The following FHIT variants were observed in gnomAD, a reference collection of about 807,000 sequenced individuals.
FHIT encodes the protein bis(5'-adenosyl)-triphosphatase.
A neutral mutation model predicts 17.9 loss-of-function variants in FHIT; 19 were observed. The observed-to-expected ratio is 1.06, with a 90% CI of 0.74 to 1.56. The LOEUF is 1.56. FHIT is among the 40% of genes most tolerant of loss of function. The probability of loss-of-function intolerance (pLI) is 0.00; values close to 1 mark genes in which losing one functional copy is unlikely to be tolerated. For missense variants in FHIT, 248 were observed against 189.2 expected, an observed-to-expected ratio of 1.31 and a Z score of -1.82; for synonymous variants, 81 against 69.7, an observed-to-expected ratio of 1.16 and a Z score of -0.81.
intron 5 of FHIT, among the ~76,000 whole-genome samples, chr3:60,312,990 T>C (rs1709012509): frequency 6.6e-6 from 1 of 152,166 alleles, no homozygotes; most frequent in African/African-American, 2.4e-5. Flanking sequence ...ACCCAGTTGA[T>C]TCAGGTTGAT....
intron 7 of FHIT, among the ~76,000 whole-genome samples, chr3:59,966,711 A>G (rs1575782134): frequency 1.3e-5 from 2 of 152,308 alleles, no homozygotes; most frequent in East Asian, 3.9e-4. Flanking sequence ...TAGGGCACTT[A>G]CCATGAATGG....
intron 3 of FHIT, among the ~76,000 whole-genome samples, chr3:60,874,287 C>G (rs183981364): frequency 6.6e-6 from 1 of 152,152 alleles, no homozygotes; most frequent in African/African-American, 2.4e-5. Context: ...TCGGCAATCA[C>G]GCCAACACTC....
chr3:61,124,827 A>AT (rs1000804506), intron 2 of FHIT, among the ~76,000 whole-genome samples: 1 of 152,140 alleles, frequency 6.6e-6, no homozygotes, highest in Non-Finnish European at 1.5e-5. Context: ...AGTAAATGTG[A>AT]TTTTTTAAAC....
chr3:60,784,489 C>G (rs1365989132), intron 4 of FHIT, among the ~76,000 whole-genome samples: 1 of 152,130 alleles, frequency 6.6e-6, no homozygotes, highest in Non-Finnish European at 1.5e-5. Context: ...GCGTGCCCCA[C>G]CACACTCAGC....
At chr3:60,530,741 AG>A (rs761865545) in intron 5 of FHIT, among the ~76,000 whole-genome samples, 9 of 152,220 alleles carry the variant, frequency 5.9e-5, no homozygotes, top group Non-Finnish European at 1.2e-4. Context: ...TGATGGTCAC[AG>A]CAAGTTTGTC....
At chr3:60,641,065 A>G (rs1480779137) in intron 4 of FHIT, among the ~76,000 whole-genome samples, 2 of 152,252 alleles carry the variant, frequency 1.3e-5, no homozygotes, top group African/African-American at 4.8e-5. Flanking sequence ...CTGTAATCCC[A>G]GCTACTTGGG....
At chr3:60,543,803 G>C (rs995242902) in intron 4 of FHIT, among the ~76,000 whole-genome samples, 2 of 151,264 alleles carry the variant, frequency 1.3e-5, no homozygotes, top group Non-Finnish European at 2.9e-5. Flanking sequence ...GGAGTGCAGC[G>C]GCGCAATCTC....
chr3:61,173,236 T>G (rs1312542824), intron 2 of FHIT, among the ~76,000 whole-genome samples: 1 of 152,172 alleles, frequency 6.6e-6, no homozygotes, highest in Non-Finnish European at 1.5e-5. Flanking sequence ...CATGAACATT[T>G]CTCTTTTTGT....
intron 3 of FHIT, among the ~76,000 whole-genome samples, chr3:60,991,795 G>GTTA (rs1490607159): frequency 1.3e-5 from 2 of 151,808 alleles, no homozygotes; most frequent in African/African-American, 2.4e-5. Flanking sequence ...AATAGCTGTT[G>GTTA]TTGTTATTAT....
At chr3:60,623,981 A>G (rs2039208358) in intron 4 of FHIT, among the ~76,000 whole-genome samples, 1 of 152,228 alleles carries the variant, frequency 6.6e-6, no homozygotes, top group Admixed American at 6.5e-5. Context: ...TCTACAATAC[A>G]TGAACAGATA....
At position 60,418,373 on chromosome 3, in the gene FHIT, TG is replaced by T. The variant is rs1702332063; in HGVS notation, c.103+118486del. ...AAACCTATATATATGTATCTGAATG[TG>T]TGTATATATATATATATATATATAT... On this transcript the variant is annotated intron_variant, in intron 5 of 9. Transcript: ENST00000492590. Among the ~76,000 whole-genome samples, 9 of 4,608 alleles carry T rather than the reference TG, an allele frequency of 2.0e-3. No homozygotes were observed. The South Asian group carries it at 0.28, about 144-fold the overall frequency. The allele number at this position is 4,608 out of a possible 152,430, so 3.0% of individuals were successfully genotyped here. A position where few individuals can be genotyped will look rare whatever the true frequency, so the allele number is the denominator to read the frequency against.
At chr3:60,608,270 G>A (rs1438202240) in intron 4 of FHIT, among the ~76,000 whole-genome samples, 1 of 152,142 alleles carries the variant, frequency 6.6e-6, no homozygotes, top group Non-Finnish European at 1.5e-5. Context: ...GAGTAGGCCT[G>A]AGCCAATTAT....
chr3:60,522,891 A>C lies in FHIT; in HGVS notation c.103+13969T>G, dbSNP rs550105747. On this transcript the variant is annotated intron_variant, in intron 5 of 9. Coordinates refer to ENST00000492590, the MANE Select transcript of FHIT (RefSeq NM_002012.4). Reference sequence around the variant, plus strand: ...TGTTGGTTTTCAGGCTGCTAAAGACACACCCAAGACTGGGTAATTTATAAA... The same window carrying C: ...TGTTGGTTTTCAGGCTGCTAAAGACCCACCCAAGACTGGGTAATTTATAAA... Among the ~76,000 whole-genome samples, 13 of 152,290 alleles carry C rather than the reference A, an allele frequency of 8.5e-5. No homozygotes were observed. In the Middle Eastern group the frequency reaches 0.014, roughly 159 times the overall value.
intron 3 of FHIT, among the ~76,000 whole-genome samples, chr3:61,030,522 A>G (rs1000487599): frequency 1.3e-5 from 2 of 152,254 alleles, no homozygotes; most frequent in Non-Finnish European, 2.9e-5. Context: ...TGTCTGCCAT[A>G]TACATTTTAA....
chr3:61,201,938 ATG>A (rs893866549), intron 1 of FHIT, among the ~76,000 whole-genome samples: 1 of 149,894 alleles, frequency 6.7e-6, no homozygotes, highest in East Asian at 1.9e-4. Flanking sequence ...AAATACATAT[ATG>A]TGTGTGTATG....
Position 61,176,964 on chromosome 3 carries a change from A to C in FHIT, c.-164+23653T>G, listed in dbSNP as rs556780291. On this transcript the variant is annotated intron_variant, in intron 2 of 9. Transcript: ENST00000492590. ...GCCGAGGCGGGCAGATCACGAGGTA[A>C]GGAGATCGAGACCATCCTGGCTAAC... is the stretch of plus-strand genomic sequence containing the variant. Among the ~76,000 whole-genome samples, 4 of 152,282 alleles carry C rather than the reference A, an allele frequency of 2.6e-5. No individual in the cohort carries two copies. In the South Asian group the frequency reaches 8.3e-4, roughly 32 times the overall value.
chr3:60,477,023 C>T (rs964771027), intron 5 of FHIT, among the ~76,000 whole-genome samples: 10 of 151,904 alleles, frequency 6.6e-5, no homozygotes, highest in East Asian at 1.9e-4. Flanking sequence ...TATACAGTTT[C>T]GTTTACATGC....
intron 4 of FHIT, among the ~76,000 whole-genome samples, chr3:60,585,214 A>C (rs1290358417): frequency 1.3e-5 from 2 of 151,970 alleles, no homozygotes; most frequent in African/African-American, 2.4e-5. Context: ...TAATTCTGAA[A>C]ATTTCTAAGC....
At chr3:61,026,240 G>A (rs1246967015) in intron 3 of FHIT, among the ~76,000 whole-genome samples, 2 of 152,112 alleles carry the variant, frequency 1.3e-5, no homozygotes, top group African/African-American at 4.8e-5. Context: ...CTCTCTGTCT[G>A]CTGTTTTTTG....
Sources: gnomAD v4.1 joint callset for allele counts (sites outside exome capture counted in the v4.1 genomes callset) on GRCh38, gnomAD v4.1.1 for gene constraint, MANE v1.5 for transcripts, NCBI Gene and HGNC (gene_info 2026-07-23, HGNC 2026-07-21) for gene names.